MYH14: variants seen among roughly 807,000 people sequenced by gnomAD.
MYH14 encodes the protein myosin-14.
Under a neutral mutation model 255.5 loss-of-function variants are expected in MYH14, and 123 were observed. The ratio of observed to expected loss-of-function variants is 0.48; its 90% CI spans 0.42 to 0.56. The LOEUF is 0.56. Among genes scored for constraint, MYH14 ranks in the 20% least tolerant of loss-of-function variants. The pLI is 0.00. For missense variants in MYH14, 2,423 were observed against 2,802.3 expected, an observed-to-expected ratio of 0.86 and a Z score of 3.06; for synonymous variants, 1,095 against 1,161.2, an observed-to-expected ratio of 0.94 and a Z score of 1.16.
chr19:50,297,663 AT>A (rs112846652), intron 39 of MYH14, among the ~76,000 whole-genome samples: 21,676 of 149,788 alleles, frequency 0.14, 2,822 homozygotes, highest in African/African-American at 0.35. Context: ...CATCTGGCTA[AT>A]TTTTTTTGTA....
intron 18 of MYH14, among the ~76,000 whole-genome samples, chr19:50,257,886 C>T (rs1416434061): frequency 6.6e-6 from 1 of 152,048 alleles, no homozygotes; most frequent in Admixed American, 6.6e-5. Context: ...CCCTGGGGGA[C>T]GTGATGACTG....
intron 10 of MYH14, among the ~76,000 whole-genome samples, chr19:50,240,772 A>G (rs1484418215): frequency 6.6e-6 from 1 of 152,090 alleles, no homozygotes; most frequent in African/African-American, 2.4e-5. Context: ...TCTCATCTCT[A>G]TTAAAAAAAT....
chr19:50,231,850 G>C, intron 9 of MYH14, 80 bp from the exon 10 acceptor site: 1 of 1,576,664 alleles, frequency 6.3e-7, no homozygotes, highest in Non-Finnish European at 8.7e-7. Flanking sequence ...GGCATGTCCT[G>C]GGATTGCCAC....
chr19:50,232,679 G>C (rs1310423148), intron 10 of MYH14, among the ~76,000 whole-genome samples: 3 of 151,868 alleles, frequency 2.0e-5, no homozygotes, highest in African/African-American at 7.3e-5. Context: ...TTAAGCAGGG[G>C]CTCAGGGGAG....
At chr19:50,237,308 C>T (rs2033700101) in intron 10 of MYH14, among the ~76,000 whole-genome samples, 1 of 151,142 alleles carries the variant, frequency 6.6e-6, no homozygotes, top group Non-Finnish European at 1.5e-5. Flanking sequence ...AACCTCCCTA[C>T]CCCAACTCAG....
chr19:50,263,478 G>T (rs1388429987), intron 22 of MYH14, 58 bp downstream of exon 22: 8 of 1,305,318 alleles, frequency 6.1e-6, no homozygotes, highest in Non-Finnish European at 7.4e-6. Context: ...TTGGGGCTTG[G>T]TCTGCTTGAC....
rs185944087 is a variant in MYH14, at chr19:50,252,529, A to T, written c.1831-110A>T. 6.0e-3 allele frequency: 4,546 copies of T among 760,950 alleles called. 93 individuals are homozygous for T. The highest frequency in any genetic ancestry group is 0.051 in the African/African-American group (2,959 of 58,022). 47.1% of individuals were successfully genotyped at this position (760,950 alleles called of 1,614,324 possible). ...AGGTGGCACCAGTGCTCGCTTGTCC[A>T]TGGTGAGCTCCAGACCTGGGAGTCT... On this transcript the variant is annotated intron_variant, in intron 15 of 42. Transcript: ENST00000642316. This position sits in a 1 kb window ranked among gnomAD's most constrained non-coding sequence, Gnocchi z 4.2.
intron 1 of MYH14, among the ~76,000 whole-genome samples, chr19:50,205,028 A>G (rs1277583581): frequency 6.6e-6 from 1 of 152,096 alleles, no homozygotes; most frequent in East Asian, 1.9e-4. Context: ...AGCTCAGGAC[A>G]GAATACCATT....
At chr19:50,251,519 ACT>A (rs2034385114) in intron 15 of MYH14, among the ~76,000 whole-genome samples, 1 of 18,572 alleles carries the variant, frequency 5.4e-5, no homozygotes. Flanking sequence ...ATATATACAC[ACT>A]ACACACACAC....
rs113332156 is a variant in MYH14, at chr19:50,230,257, A to AAGAG, written c.875-253_875-250dup. Among the ~76,000 whole-genome samples, 4 of 151,252 alleles carry AAGAG rather than the reference A, an allele frequency of 2.6e-5. No individual in the cohort carries two copies. Among genetic ancestry groups the AAGAG allele is most frequent in the African/African-American group, 7.3e-5 (3 of 41,190 alleles). ...GACAGAGCAAGACCCTGTCTCTAAA[A>AAGAG]AGAGAGAGAGAGAGAGAGGAAGGTC... On this transcript the variant is annotated intron_variant, in intron 8 of 42. Coordinates refer to ENST00000642316, the MANE Select transcript of MYH14 (RefSeq NM_001145809.2). This position sits in a 1 kb window ranked among gnomAD's most constrained non-coding sequence, Gnocchi z 4.7.
At chr19:50,243,054 C>T (rs960948641) in intron 10 of MYH14, among the ~76,000 whole-genome samples, 3 of 152,022 alleles carry the variant, frequency 2.0e-5, no homozygotes, top group Middle Eastern at 3.2e-3. Flanking sequence ...CCTCCAGGTG[C>T]GAGTTACGGT....
At chr19:50,235,864 T>G (rs1363354818) in intron 10 of MYH14, among the ~76,000 whole-genome samples, 1 of 152,102 alleles carries the variant, frequency 6.6e-6, no homozygotes, top group African/African-American at 2.4e-5. Flanking sequence ...TCCACTGCCC[T>G]TTCCTACAGA....
chr19:50,251,842 T>C (rs1384569149), intron 15 of MYH14, among the ~76,000 whole-genome samples: 2 of 152,164 alleles, frequency 1.3e-5, no homozygotes, highest in Non-Finnish European at 2.9e-5. Flanking sequence ...CCTCCCAAAG[T>C]GCTGGGATTA....
chr19:50,292,376 T>C lies in MYH14; in HGVS notation c.5243T>C (p.Leu1748Pro). ...CTCAAGGGCCTGGAGGCTGAGGTGCTGCGGCTGCAGGAGGTGAGGCTGGGG... is the reference window on the plus strand; with the variant it reads ...CTCAAGGGCCTGGAGGCTGAGGTGCCGCGGCTGCAGGAGGTGAGGCTGGGG... ...KRLKGLEAEV[L>P]RLQEELAASD... The change falls in exon 37 of 43, where the codon CTG (leucine) becomes CCG (proline). Residue 1748 changes from leucine to proline, a missense_variant. Physicochemically the swap from Leu to Pro is moderately conservative, Grantham distance 98. This residue lies in a region of MYH14 where 1,513 missense variants were observed against 1,674.8 expected (regional missense o/e 0.90). Coordinates refer to ENST00000642316, the MANE Select transcript of MYH14 (RefSeq NM_001145809.2). 1 of 1,585,478 alleles carries C rather than the reference T, an allele frequency of 6.3e-7. No homozygotes were observed. Among genetic ancestry groups the C allele is most frequent in the South Asian group, 1.2e-5 (1 of 86,352 alleles).
chr19:50,263,492 T>A, intron 22 of MYH14, 72 bp downstream of exon 22: 1 of 1,096,518 alleles, frequency 9.1e-7, no homozygotes, highest in Non-Finnish European at 1.3e-6. Context: ...GCTTGACAAG[T>A]GACTTCCTCC....
chr19:50,224,032 TC>T, intron 5 of MYH14, 121 bp from the exon 6 acceptor site: 1 of 610,314 alleles, frequency 1.6e-6, no homozygotes, highest in South Asian at 1.7e-5. Context: ...ATGCCCGGTT[TC>T]CCCAGTCCCC....
Position 50,210,413 on chromosome 19 carries a change from G to T in MYH14, c.48G>T (p.Arg16Ser). The T allele has an allele frequency of 6.4e-7, 1 of 1,569,500 alleles. No homozygotes were observed. The change falls in exon 2 of 43, where the codon AGG becomes AGT. Residue 16 changes from arginine to serine, a missense_variant. Physicochemically the swap from Arg to Ser is moderately radical, Grantham distance 110 (BLOSUM62 -1). Around this residue, in one of 3 missense-constraint regions of MYH14, gnomAD observed 238 missense variants for 245.8 expected, o/e 0.97. Transcript: ENST00000642316. The stretch of plus-strand genomic sequence containing the variant: ...TGCCCGGGCGGAAGGCGCCCCCCAG[G>T]CCGGGCCCAGTGCCCGAGGCGGCCC... Reference protein sequence around the residue: ...MSVPGRKAPPRPGPVPEAAQP... With the variant: ...MSVPGRKAPPSPGPVPEAAQP...
At chr19:50,231,303 T>C (rs985481397) in intron 9 of MYH14, among the ~76,000 whole-genome samples, 21 of 152,256 alleles carry the variant, frequency 1.4e-4, no homozygotes, top group African/African-American at 4.6e-4. Flanking sequence ...GCCCCTGCCA[T>C]CCCATGGCCT....
At chr19:50,263,871 A>G (rs1365708323) in intron 22 of MYH14, among the ~76,000 whole-genome samples, 2 of 151,956 alleles carry the variant, frequency 1.3e-5, no homozygotes, top group Non-Finnish European at 1.5e-5. Flanking sequence ...AGCCTGGCCA[A>G]TATGGGGAAA....
Sources: gnomAD v4.1 joint callset for allele counts (sites outside exome capture counted in the v4.1 genomes callset) on GRCh38, gnomAD v4.1.1 for gene constraint, gnomAD v4.1.1 regional missense constraint, Gnocchi (gnomAD v3.1) non-coding constraint, MANE v1.5 for transcripts, NCBI Gene and HGNC (gene_info 2026-07-23, HGNC 2026-07-21) for gene names.